LCORL: variants seen among roughly 807,000 people sequenced by gnomAD.
LCORL encodes ligand dependent nuclear receptor corepressor like, also known as ligand-dependent nuclear receptor corepressor-like protein.
A neutral mutation model predicts 141.8 loss-of-function variants in LCORL; 41 were observed. That is an observed-to-expected ratio of 0.29 (90% CI 0.23 to 0.38). The LOEUF (loss-of-function observed/expected upper bound fraction) is 0.38. Ranked by LOEUF, LCORL falls within the 10% of genes least tolerant of loss-of-function variation. The pLI, the probability that LCORL is intolerant of heterozygous loss-of-function variation, is 1.00. For synonymous variants in LCORL, 618 were observed against 694.1 expected, an observed-to-expected ratio of 0.89 and a Z score of 1.72; for missense variants, 1,759 against 2,035.0, an observed-to-expected ratio of 0.86 and a Z score of 2.61.
At chr4:17,928,719 A>G (rs897542203) in intron 4 of LCORL, among the ~76,000 whole-genome samples, 1 of 152,222 alleles carries the variant, frequency 6.6e-6, no homozygotes, top group African/African-American at 2.4e-5. Context: ...TCGACACTGT[A>G]CTGGAGTGTT....
At chr4:17,864,685 A>G (rs1455143652) in intron 7 of LCORL, among the ~76,000 whole-genome samples, 2 of 152,244 alleles carry the variant, frequency 1.3e-5, no homozygotes, top group African/African-American at 4.8e-5. Context: ...TGGTCTACTG[A>G]AAAGGCAGAG....
At chr4:17,926,741 G>A (rs904659535) in intron 4 of LCORL, among the ~76,000 whole-genome samples, 2 of 152,184 alleles carry the variant, frequency 1.3e-5, no homozygotes, top group Non-Finnish European at 2.9e-5. Context: ...TTTAGTGAAC[G>A]CTAATACAGT....
intron 7 of LCORL, among the ~76,000 whole-genome samples, chr4:17,858,706 C>A (rs941985972): frequency 3.3e-5 from 5 of 151,072 alleles, no homozygotes; most frequent in African/African-American, 1.2e-4. Context: ...CCAGCCTAGG[C>A]AACAAGAGTG....
At chr4:17,882,616 C>T (rs935297331) in intron 6 of LCORL, 2 of 984,346 alleles carry the variant, frequency 2.0e-6, no homozygotes, top group Admixed American at 6.2e-5. Context: ...GAACAAACTG[C>T]AAATTTGGTT....
intron 7 of LCORL, among the ~76,000 whole-genome samples, chr4:17,855,017 A>G (rs1261258521): frequency 1.3e-5 from 2 of 152,208 alleles, no homozygotes; most frequent in African/African-American, 2.4e-5. Flanking sequence ...TATTATGACC[A>G]TTAGAGCAAA....
chr4:17,987,208 T>A (rs953248604), intron 1 of LCORL, among the ~76,000 whole-genome samples: 2 of 152,212 alleles, frequency 1.3e-5, no homozygotes, highest in Admixed American at 1.3e-4. Flanking sequence ...GTATTTCTTG[T>A]CCATTCATAG....
At chr4:18,009,556 T>G (rs1267038204) in intron 1 of LCORL, among the ~76,000 whole-genome samples, 1 of 152,046 alleles carries the variant, frequency 6.6e-6, no homozygotes, top group African/African-American at 2.4e-5. Context: ...GATACCTCTA[T>G]GTATGGACTC....
intron 4 of LCORL, among the ~76,000 whole-genome samples, chr4:17,951,851 G>A (rs1289743098): frequency 6.6e-6 from 1 of 152,162 alleles, no homozygotes; most frequent in Non-Finnish European, 1.5e-5. Flanking sequence ...CCAGAAATAT[G>A]TTTTATAAAG....
chr4:17,952,658 G>A (rs1164308583), intron 4 of LCORL, among the ~76,000 whole-genome samples: 4 of 151,962 alleles, frequency 2.6e-5, no homozygotes, highest in Non-Finnish European at 4.4e-5. Context: ...CTCGTGATCC[G>A]CCCGCCTCGG....
intron 4 of LCORL, among the ~76,000 whole-genome samples, chr4:17,927,800 A>G (rs758678496): frequency 6.6e-6 from 1 of 152,228 alleles, no homozygotes; most frequent in South Asian, 2.1e-4. Flanking sequence ...TATAATAGTA[A>G]TACTAAAAAA....
At chr4:17,945,916 T>G (rs988951332) in intron 4 of LCORL, among the ~76,000 whole-genome samples, 1 of 151,950 alleles carries the variant, frequency 6.6e-6, no homozygotes, top group Non-Finnish European at 1.5e-5. Flanking sequence ...TAAACACATT[T>G]AAATACCATG....
In LCORL at chr4:17,884,686, T is replaced by G; in HGVS notation, c.776+1382A>C. On this transcript the variant is annotated intron_variant, in intron 6 of 7. Coordinates refer to ENST00000635767, the Ensembl canonical transcript of LCORL. This position sits in a 1 kb window ranked among gnomAD's most constrained non-coding sequence, Gnocchi z 4.4. ...CAGACTGAATGTCTTTCAAAGCTTT[T>G]GAGAGCAAACCATCTGCAAACTCAG... 1 of 1,527,716 alleles carries G rather than the reference T, an allele frequency of 6.5e-7. No individual in the cohort carries two copies. The highest frequency in any genetic ancestry group is 8.8e-7 in the Non-Finnish European group (1 of 1,139,002). 94.6% of individuals were successfully genotyped at this position (1,527,716 alleles called of 1,614,324 possible).
chr4:17,917,811 C>T (rs1019156479), intron 4 of LCORL, among the ~76,000 whole-genome samples: 6 of 152,114 alleles, frequency 3.9e-5, no homozygotes, highest in African/African-American at 1.4e-4. Context: ...AAGCTTATAG[C>T]CATCAAGGAA....
chr4:17,859,358 G>C (rs764816450), intron 7 of LCORL, among the ~76,000 whole-genome samples: 2 of 152,170 alleles, frequency 1.3e-5, no homozygotes, highest in African/African-American at 2.4e-5. Context: ...ATCATAAGTT[G>C]AGGAGCATCA....
intron 1 of LCORL, among the ~76,000 whole-genome samples, chr4:17,975,557 C>T (rs931221275): frequency 1.3e-4 from 19 of 151,946 alleles, no homozygotes; most frequent in African/African-American, 4.1e-4. Flanking sequence ...CCATCACGCC[C>T]GGCTATTTTT....
chr4:17,972,774 A>C, intron 2 of LCORL, 46 bp downstream of exon 2: 1 of 935,964 alleles, frequency 1.1e-6, no homozygotes. Flanking sequence ...TCATTTGTTA[A>C]ATAGGATGGG....
chr4:17,857,473 T>TG (rs1461934459), intron 7 of LCORL, among the ~76,000 whole-genome samples: 2 of 152,136 alleles, frequency 1.3e-5, no homozygotes, highest in Admixed American at 6.5e-5. Flanking sequence ...AGTCCGCAGG[T>TG]GGGTACTGGA....
At chr4:17,918,633 A>T (rs1172490128) in intron 4 of LCORL, among the ~76,000 whole-genome samples, 1 of 152,238 alleles carries the variant, frequency 6.6e-6, no homozygotes, top group African/African-American at 2.4e-5. Context: ...CAACTTGAAC[A>T]TAGGCAGGTT....
chr4:17,964,315 A>G (rs2109616335), intron 2 of LCORL, among the ~76,000 whole-genome samples: 1 of 152,220 alleles, frequency 6.6e-6, no homozygotes, highest in South Asian at 2.1e-4. Flanking sequence ...AGTTGTTTTA[A>G]TTACCTTGTA....
Sources: allele counts gnomAD v4.1 joint callset (sites outside exome capture counted in the v4.1 genomes callset), GRCh38; gene constraint gnomAD v4.1.1; non-coding constraint Gnocchi (gnomAD v3.1); transcripts MANE v1.5; gene names NCBI Gene and HGNC (gene_info 2026-07-23, HGNC 2026-07-21).